Variants in CAMKMT observed in about 807,000 individuals in gnomAD.
The protein encoded by CAMKMT is CaM KMT.
CAMKMT carries 53 observed loss-of-function variants against 48.0 expected under a neutral mutation model. The ratio of observed to expected loss-of-function variants is 1.10; its 90% CI spans 0.89 to 1.39. The LOEUF is 1.39. Among genes scored for constraint, CAMKMT ranks in the 40% most tolerant of loss-of-function variants. The pLI, the probability that CAMKMT is intolerant of heterozygous loss-of-function variation, is 0.00. For synonymous variants in CAMKMT, 165 were observed against 152.3 expected (o/e 1.08, Z -0.61); for missense variants, 428 against 402.7 (o/e 1.06, Z -0.54).
rs4039616 is a variant in CAMKMT at position 44,634,800 on chromosome 2, C to CAAAAA, written c.377-69475_377-69471dup. On this transcript the variant is annotated intron_variant, in intron 3 of 10. Transcript: ENST00000378494. ...GGTATTCTCCAGGTTGAGGGCTAGC[C>CAAAAA]AAAAAAAAAAAAGCATTCTAGTCAG... 8.2e-5 allele frequency among the ~76,000 whole-genome samples: 9 copies of CAAAAA among 110,148 alleles called. 2 individuals are homozygous for CAAAAA. The highest frequency in any genetic ancestry group is 1.1e-4 in the African/African-American group (3 of 27,748). 72.3% of individuals were successfully genotyped at this position (110,148 alleles called of 152,430 possible). A position where few individuals can be genotyped will look rare whatever the true frequency, so the allele number is the denominator to read the frequency against.
intron 3 of CAMKMT, among the ~76,000 whole-genome samples, chr2:44,422,929 C>A (rs1220879066): frequency 1.3e-5 from 2 of 152,062 alleles, no homozygotes; most frequent in African/African-American, 4.8e-5. Context: ...AAGGTGAGCT[C>A]CTTGTTCAGA....
chr2:44,400,896 G>A (rs1012983509), intron 3 of CAMKMT: 71 of 143,436 alleles, frequency 4.9e-4, no homozygotes, highest in African/African-American at 1.6e-3. Flanking sequence ...GTGAGTACAT[G>A]TATGTGTGTA....
intron 3 of CAMKMT, among the ~76,000 whole-genome samples, chr2:44,539,962 A>G (rs1332423792): frequency 2.0e-5 from 3 of 152,142 alleles, no homozygotes; most frequent in African/African-American, 4.8e-5. Flanking sequence ...CTAATAAGCA[A>G]TCATGAGGCG....
At chr2:44,488,427 C>T (rs1669316188) in intron 3 of CAMKMT, among the ~76,000 whole-genome samples, 1 of 152,134 alleles carries the variant, frequency 6.6e-6, no homozygotes, top group Admixed American at 6.5e-5. Context: ...TCGCTTGAAC[C>T]CAGGAGGCAG....
intron 3 of CAMKMT, among the ~76,000 whole-genome samples, chr2:44,669,651 T>G (rs1262951575): frequency 6.6e-6 from 1 of 152,172 alleles, no homozygotes; most frequent in Non-Finnish European, 1.5e-5. Context: ...TTCTTTCTTT[T>G]TCTTCAGACA....
At chr2:44,535,594 C>G (rs1289360378) in intron 3 of CAMKMT, among the ~76,000 whole-genome samples, 1 of 152,110 alleles carries the variant, frequency 6.6e-6, no homozygotes, top group Non-Finnish European at 1.5e-5. Flanking sequence ...ATATGCAAAT[C>G]AACAAACGTG....
chr2:44,468,218 C>A (rs762103158), intron 3 of CAMKMT, among the ~76,000 whole-genome samples: 48 of 152,112 alleles, frequency 3.2e-4, no homozygotes, highest in Non-Finnish European at 6.2e-4. Context: ...CAGCAGAAGT[C>A]ATATTAAAGG....
intron 7 of CAMKMT, among the ~76,000 whole-genome samples, chr2:44,718,177 C>A (rs1167988998): frequency 5.9e-5 from 9 of 152,176 alleles, no homozygotes. Context: ...AGTCAATCCA[C>A]CTCTGCTGTC....
chr2:44,739,075 C>T (rs1007623232), intron 7 of CAMKMT, among the ~76,000 whole-genome samples: 2 of 152,100 alleles, frequency 1.3e-5, no homozygotes, highest in East Asian at 3.9e-4. Context: ...TAACCAGGCC[C>T]AATTGTGTAA....
chr2:44,531,460 A>T (rs1666479890), intron 3 of CAMKMT, among the ~76,000 whole-genome samples: 1 of 152,152 alleles, frequency 6.6e-6, no homozygotes, highest in Admixed American at 6.5e-5. Flanking sequence ...TGACAACCAC[A>T]ACTGACACTG....
chr2:44,458,042 C>CTTTTTT (rs541348745), intron 3 of CAMKMT, among the ~76,000 whole-genome samples: 5 of 75,408 alleles, frequency 6.6e-5, no homozygotes, highest in Admixed American at 1.7e-4. Context: ...AGCTTTGTGA[C>CTTTTTT]TTTTTTTTTT....
intron 3 of CAMKMT, among the ~76,000 whole-genome samples, chr2:44,564,601 G>A (rs569273217): frequency 1.3e-5 from 2 of 151,768 alleles, no homozygotes; most frequent in African/African-American, 4.8e-5. Flanking sequence ...AAGCTGGAGT[G>A]CAGTGTGGCA....
intron 3 of CAMKMT, among the ~76,000 whole-genome samples, chr2:44,677,137 A>C (rs1262926217): frequency 1.3e-5 from 2 of 152,320 alleles, no homozygotes; most frequent in East Asian, 3.9e-4. Flanking sequence ...TGTGACCTAC[A>C]AAATTTATTG....
intron 3 of CAMKMT, among the ~76,000 whole-genome samples, chr2:44,660,540 C>T (rs916571736): frequency 6.6e-6 from 1 of 152,214 alleles, no homozygotes; most frequent in African/African-American, 2.4e-5. Context: ...CCTCCAAAGT[C>T]TACAGAAACA....
At chr2:44,710,068 G>A (rs1356085239) in intron 6 of CAMKMT, among the ~76,000 whole-genome samples, 1 of 150,452 alleles carries the variant, frequency 6.6e-6, no homozygotes, top group East Asian at 1.9e-4. Context: ...AATCTTCTTA[G>A]TCTCTTAAGC....
chr2:44,439,200 A>G (rs967598890), intron 3 of CAMKMT, among the ~76,000 whole-genome samples: 3 of 152,088 alleles, frequency 2.0e-5, no homozygotes, highest in Admixed American at 2.0e-4. Flanking sequence ...TTGTTATTAA[A>G]ACATTAAGAA....
intron 3 of CAMKMT, among the ~76,000 whole-genome samples, chr2:44,455,593 G>C (rs916292309): frequency 6.6e-6 from 1 of 152,154 alleles, no homozygotes; most frequent in Non-Finnish European, 1.5e-5. Context: ...TTGTTTGCTG[G>C]TTAAGACACA....
At chr2:44,633,810 T>G (rs1441943577) in intron 3 of CAMKMT, among the ~76,000 whole-genome samples, 3 of 152,200 alleles carry the variant, frequency 2.0e-5, no homozygotes, top group Non-Finnish European at 4.4e-5. Flanking sequence ...AGTAAGTTTT[T>G]GAGGATGCAG....
chr2:44,493,359 A>G (rs1192717839), intron 3 of CAMKMT, among the ~76,000 whole-genome samples: 2 of 152,206 alleles, frequency 1.3e-5, no homozygotes, highest in Non-Finnish European at 2.9e-5. Context: ...ACAAAGTAGC[A>G]AAACTTTTTG....
Sources: allele counts gnomAD v4.1 joint callset (sites outside exome capture counted in the v4.1 genomes callset), GRCh38; gene constraint gnomAD v4.1.1; transcripts MANE v1.5; gene names NCBI Gene and HGNC (gene_info 2026-07-23, HGNC 2026-07-21).